Variants in RPGRIP1L observed in about 807,000 individuals in gnomAD.
The protein encoded by RPGRIP1L is protein fantom.
A neutral mutation model predicts 160.4 loss-of-function variants in RPGRIP1L; 131 were observed. The ratio of observed to expected loss-of-function variants is 0.82; its 90% CI spans 0.71 to 0.94. RPGRIP1L has a LOEUF of 0.94. Ranked by LOEUF, RPGRIP1L falls within the 40% of genes least tolerant of loss-of-function variation. RPGRIP1L has a pLI of 0.00. For synonymous variants in RPGRIP1L, 510 were observed against 515.8 expected, an observed-to-expected ratio of 0.99 and a Z score of 0.15; for missense variants, 1,522 against 1,535.8, an observed-to-expected ratio of 0.99 and a Z score of 0.15.
intron 22 of RPGRIP1L, among the ~76,000 whole-genome samples, chr16:53,627,797 T>G (rs574426380): frequency 2.0e-5 from 3 of 152,154 alleles, no homozygotes; most frequent in Non-Finnish European, 4.4e-5. Context: ...TCCAATTTAT[T>G]CATATTAACT....
At chr16:53,673,675 ATC>A (rs2151250804) in intron 7 of RPGRIP1L, among the ~76,000 whole-genome samples, 1 of 152,216 alleles carries the variant, frequency 6.6e-6, no homozygotes, top group East Asian at 1.9e-4. Flanking sequence ...GCTAACTTAA[ATC>A]TCTCAAGTCC....
chr16:53,602,438 T>G (rs934249909), intron 26 of RPGRIP1L, among the ~76,000 whole-genome samples: 3 of 152,160 alleles, frequency 2.0e-5, no homozygotes, highest in Admixed American at 2.0e-4. Context: ...GAAGTTTACC[T>G]AGTGAAAGCG....
chr16:53,622,981 C>T (rs942463048), intron 22 of RPGRIP1L, among the ~76,000 whole-genome samples: 3 of 151,920 alleles, frequency 2.0e-5, no homozygotes, highest in Non-Finnish European at 4.4e-5. Context: ...GCACTGTAGC[C>T]TGGGTGACAG....
intron 21 of RPGRIP1L, 26 bp downstream of exon 21, chr16:53,637,669 A>C: frequency 1.3e-6 from 2 of 1,593,234 alleles, no homozygotes; most frequent in Non-Finnish European, 1.7e-6. Flanking sequence ...TTAACTAAAC[A>C]ATGTTAGTTT....
chr16:53,631,795 C>T (rs547127733), intron 22 of RPGRIP1L, among the ~76,000 whole-genome samples: 5 of 152,282 alleles, frequency 3.3e-5, no homozygotes, highest in South Asian at 4.1e-4. Context: ...GTCAGGCTGA[C>T]GGAATCTGAC....
At chr16:53,641,944 G>T (rs534358803) in intron 17 of RPGRIP1L, among the ~76,000 whole-genome samples, 1 of 151,948 alleles carries the variant, frequency 6.6e-6, no homozygotes, top group East Asian at 1.9e-4. Flanking sequence ...CACATTTAAA[G>T]GAAACTGTAT....
intron 1 of RPGRIP1L, 37 bp from the exon 2 acceptor site, chr16:53,700,767 A>G: frequency 1.4e-6 from 2 of 1,481,392 alleles, no homozygotes; most frequent in South Asian, 2.3e-5. Context: ...ACTCTTTCCA[A>G]ATTATTACAT....
At chr16:53,638,551 GTATATTTCAA>G (rs937919943) in intron 19 of RPGRIP1L, 140 bp from the exon 20 acceptor site, 2 of 464,420 alleles carry the variant, frequency 4.3e-6, no homozygotes, top group Non-Finnish European at 7.6e-6. Context: ...AATTTACTTA[GTATATTTCAA>G]TAAAATGGTA....
At position 53,605,615 on chromosome 16, in the gene RPGRIP1L, C is replaced by T; in HGVS notation, c.3702-1G>A. 6.2e-7 allele frequency: 1 copy of T among 1,613,912 alleles called. No homozygotes were observed. Among genetic ancestry groups the T allele is most frequent in the East Asian group, 2.2e-5 (1 of 44,868 alleles). ...GTCACTGACCACGGTGAAGCGAAGG[C>T]TGGTAAGGCAGAGATCAGAGAAAGT... On this transcript the variant is annotated splice_acceptor_variant, in intron 25 of 26. Transcript: ENST00000647211. LOFTEE classifies it high-confidence loss of function.
intron 19 of RPGRIP1L, among the ~76,000 whole-genome samples, chr16:53,640,489 G>A (rs967113362): frequency 2.6e-5 from 4 of 152,070 alleles, no homozygotes; most frequent in African/African-American, 9.7e-5. Context: ...GCAGAGGCAC[G>A]ACGATATTTA....
At chr16:53,616,875 C>G (rs1282274990) in intron 24 of RPGRIP1L, among the ~76,000 whole-genome samples, 1 of 151,632 alleles carries the variant, frequency 6.6e-6, no homozygotes, top group Non-Finnish European at 1.5e-5. Context: ...AGTTTGAGAC[C>G]AGCCTCGGCA....
intron 22 of RPGRIP1L, among the ~76,000 whole-genome samples, chr16:53,624,283 T>A (rs1290042978): frequency 6.6e-6 from 1 of 152,234 alleles, no homozygotes; most frequent in Admixed American, 6.5e-5. Context: ...CTGGGCGCAC[T>A]GGCTCATGCC....
chr16:53,700,940 CTA>C (rs957984587), intron 1 of RPGRIP1L, among the ~76,000 whole-genome samples: 1 of 152,124 alleles, frequency 6.6e-6, no homozygotes, highest in African/African-American at 2.4e-5. Context: ...AGTGTATTTC[CTA>C]TAGTTTGCTT....
chr16:53,649,191 G>T, intron 15 of RPGRIP1L, 76 bp from the exon 16 acceptor site: 1 of 1,172,922 alleles, frequency 8.5e-7, no homozygotes, highest in Non-Finnish European at 1.3e-6. Context: ...TACATCAATG[G>T]CATTATGCAT....
chr16:53,645,589 T>A, intron 17 of RPGRIP1L, 36 bp downstream of exon 17: 1 of 1,595,684 alleles, frequency 6.3e-7, no homozygotes, highest in Non-Finnish European at 8.5e-7. Context: ...TTTGTTTTGT[T>A]TTTACAATTT....
At chr16:53,644,001 A>G (rs1206056194) in intron 17 of RPGRIP1L, among the ~76,000 whole-genome samples, 1 of 152,230 alleles carries the variant, frequency 6.6e-6, no homozygotes, top group East Asian at 1.9e-4. Context: ...AGGAAAGTAT[A>G]ATGATAATGT....
chr16:53,696,113 T>G (rs199650432), intron 3 of RPGRIP1L, 38 bp downstream of exon 3: 1 of 1,604,306 alleles, frequency 6.2e-7, no homozygotes, highest in Non-Finnish European at 8.5e-7. Context: ...CAAATTTTAC[T>G]GAGTCAAGAA....
chr16:53,683,398 C>G (rs1969747141), intron 6 of RPGRIP1L, among the ~76,000 whole-genome samples: 1 of 152,020 alleles, frequency 6.6e-6, no homozygotes, highest in Admixed American at 6.6e-5. Flanking sequence ...AGGACATCTT[C>G]ACAGAAGTTT....
intron 9 of RPGRIP1L, among the ~76,000 whole-genome samples, chr16:53,668,710 CTAATA>C (rs1743605587): frequency 6.6e-6 from 1 of 152,126 alleles, no homozygotes; most frequent in African/African-American, 2.4e-5. Flanking sequence ...TTATAGCATA[CTAATA>C]TAATACTGTA....
Sources: allele counts gnomAD v4.1 joint callset (sites outside exome capture counted in the v4.1 genomes callset), GRCh38; gene constraint gnomAD v4.1.1; transcripts MANE v1.5; gene names NCBI Gene and HGNC (gene_info 2026-07-23, HGNC 2026-07-21).